Variants in FAM149A observed in about 807,000 individuals in gnomAD.
The protein encoded by FAM149A is family with sequence similarity 149 member A.
Under a neutral mutation model 78.2 loss-of-function variants are expected in FAM149A, and 71 were observed. The ratio of observed to expected loss-of-function variants is 0.91; its 90% CI spans 0.75 to 1.11. The LOEUF is 1.11. Ranked by LOEUF, FAM149A falls within the 50% of genes least tolerant of loss-of-function variation. The pLI, the probability that FAM149A is intolerant of heterozygous loss-of-function variation, is 0.00. For synonymous variants in FAM149A, 446 were observed against 410.5 expected, an observed-to-expected ratio of 1.09 and a Z score of -1.04; for missense variants, 1,036 against 971.0, an observed-to-expected ratio of 1.07 and a Z score of -0.89.
In FAM149A at chr4:186,158,409, G is replaced by A. The variant is rs55723349; in HGVS notation, c.1575+690G>A. On this transcript the variant is annotated intron_variant, in intron 8 of 13. Transcript: ENST00000389354. ...ACTCAGTGGGCCTGAAGGGGTGGCT[G>A]CTGGCTCAGGGAGTTCTGGGCATGC... The A allele has an allele frequency of 6.8e-4, 801 of 1,183,142 alleles. 1 individual carries two copies. The highest frequency in any genetic ancestry group is 8.2e-4 in the Non-Finnish European group (775 of 941,734). The allele number at this position is 1,183,142 out of a possible 1,614,324, so 73.3% of individuals were successfully genotyped here.
rs762278887 is a variant in FAM149A, at chr4:186,153,651, A to C, written c.939A>C (p.Leu313Phe). Residue 313 changes from leucine to phenylalanine, a missense_variant, in exon 5 of 14, where the codon TTA becomes TTC. This residue lies in a region of FAM149A where 716 missense variants were observed against 711.8 expected (regional missense o/e 1.01). Coordinates refer to ENST00000389354, the MANE Select transcript of FAM149A (RefSeq NM_001367768.3). ...CTTCTCTTTGACCTCGCAGAGTATT[A>C]GGAAGACAGCTGATCCTGCCCACTG... 27 of 1,613,986 alleles carry C rather than the reference A, an allele frequency of 1.7e-5. No individual in the cohort carries two copies. The South Asian group carries it at 3.0e-4, about 18-fold the overall frequency.
At chr4:186,148,505 G>A (rs1733227377) in intron 1 of FAM149A, among the ~76,000 whole-genome samples, 1 of 152,180 alleles carries the variant, frequency 6.6e-6, no homozygotes, top group South Asian at 2.1e-4. Flanking sequence ...GGAAGTAAAT[G>A]TTTTAAGCGG....
chr4:186,158,657 G>T, intron 8 of FAM149A: 2 of 488,960 alleles, frequency 4.1e-6, no homozygotes, highest in South Asian at 7.6e-5. Context: ...GTTGAGGGTG[G>T]AGACCCAGCC....
At chr4:186,151,665 C>T (rs920216433) in intron 3 of FAM149A, 6 of 934,264 alleles carry the variant, frequency 6.4e-6, no homozygotes, top group African/African-American at 3.6e-5. Flanking sequence ...TCATAACTTC[C>T]GTGGCAGAAG....
At chr4:186,124,015 TCACA>T (rs972926891) in intron 1 of FAM149A, 2 of 985,306 alleles carry the variant, frequency 2.0e-6, no homozygotes, top group African/African-American at 3.5e-5. Context: ...GGCTACACAC[TCACA>T]CAGACAATGA....
At chr4:186,151,006 CTT>C (rs1733534873) in intron 3 of FAM149A, 2 of 985,118 alleles carry the variant, frequency 2.0e-6, no homozygotes, top group Non-Finnish European at 2.4e-6. Flanking sequence ...CGCCCAGCCT[CTT>C]TGCTTTCTTT....
chr4:186,153,639 T>A lies in FAM149A; in HGVS notation c.933-6T>A. 1 of 1,610,232 alleles carries A rather than the reference T, an allele frequency of 6.2e-7. No homozygotes were observed. The highest frequency in any genetic ancestry group is 8.5e-7 in the Non-Finnish European group (1 of 1,176,984). On this transcript the variant is annotated splice_region_variant and splice_polypyrimidine_tract_variant and intron_variant, in intron 4 of 13. Transcript: ENST00000389354. ...AAATGTCAGTAGCTTCTCTTTGACC[T>A]CGCAGAGTATTAGGAAGACAGCTGA...
At chr4:186,169,062 G>A (rs981861617) in intron 13 of FAM149A, 2 of 319,410 alleles carry the variant, frequency 6.3e-6, no homozygotes, top group Non-Finnish European at 9.0e-6. Flanking sequence ...ACTACAGCAC[G>A]CCGAGTGGAG....
rs767437561 is a variant in FAM149A at position 186,165,415 on chromosome 4, C to G, written c.1961C>G (p.Thr654Arg). The G allele has an allele frequency of 6.2e-7, 1 of 1,614,136 alleles. No homozygotes were observed. Among genetic ancestry groups the G allele is most frequent in the Non-Finnish European group, 8.5e-7 (1 of 1,179,968 alleles). ...CGGAGCAGGTTCCCCCCGCTAGTCACGGAGACCAGGGGGCAGAATACAGCA... is the reference window on the plus strand; with the variant it reads ...CGGAGCAGGTTCCCCCCGCTAGTCAGGGAGACCAGGGGGCAGAATACAGCA... The change falls in exon 11 of 14, where the codon ACG becomes AGG. Residue 654 changes from threonine (T) to arginine (R), a missense_variant. This residue lies in a region of FAM149A where 716 missense variants were observed against 711.8 expected (regional missense o/e 1.01). Coordinates refer to ENST00000389354, the MANE Select transcript of FAM149A (RefSeq NM_001367768.3).
In FAM149A at chr4:186,105,392, G is replaced by A; in HGVS notation, c.316G>A (p.Ala106Thr). 1 of 1,182,226 alleles carries A rather than the reference G, an allele frequency of 8.5e-7. No homozygotes were observed. Among genetic ancestry groups the A allele is most frequent in the Non-Finnish European group, 1.1e-6 (1 of 944,350 alleles). The allele number at this position is 1,182,226 out of a possible 1,614,324, so 73.2% of individuals were successfully genotyped here. A position where few individuals can be genotyped will look rare whatever the true frequency, so the allele number is the denominator to read the frequency against. ...GCCCAGTAGCCCTAGAGCGGGTAAA[G>A]CCCCGCCCCAGCCCCCCACTCCCTC... is the stretch of plus-strand genomic sequence containing the variant. The change falls in exon 1 of 14, where the codon GCC (alanine) becomes ACC (threonine). Residue 106 changes from alanine to threonine, a missense_variant. By Grantham distance (58) the Ala-to-Thr change is moderately conservative (BLOSUM62 0). Coordinates refer to ENST00000389354, the MANE Select transcript of FAM149A (RefSeq NM_001367768.3).
intron 8 of FAM149A, chr4:186,158,308 C>A (rs1579908605): frequency 8.2e-7 from 1 of 1,215,146 alleles, no homozygotes; most frequent in Non-Finnish European, 1.0e-6. Context: ...GGCTAGCCCA[C>A]CTCCCATTGC....
At chr4:186,130,160 C>G (rs1191477298) in intron 1 of FAM149A, 1 of 151,652 alleles carries the variant, frequency 6.6e-6, no homozygotes, top group Non-Finnish European at 1.5e-5. Context: ...ATAGGAAATA[C>G]AGAACACAGA....
intron 1 of FAM149A, chr4:186,133,116 GAGT>G (rs2099321453): frequency 6.1e-6 from 6 of 985,392 alleles, no homozygotes; most frequent in Non-Finnish European, 6.0e-6. Context: ...GGTTAGACAG[GAGT>G]CATGTATTGT....
intron 13 of FAM149A, among the ~76,000 whole-genome samples, chr4:186,170,341 A>T (rs1183217412): frequency 1.3e-5 from 2 of 152,148 alleles, no homozygotes; most frequent in African/African-American, 4.8e-5. Context: ...ATAACACCTC[A>T]CTTAAGGACT....
At chr4:186,109,393 C>G in intron 1 of FAM149A, 4 of 815,152 alleles carry the variant, frequency 4.9e-6, no homozygotes, top group Non-Finnish European at 5.9e-6. Context: ...AAGGGCCTGT[C>G]AGCATGGCTG....
chr4:186,131,049 C>T (rs1436108207), intron 1 of FAM149A, among the ~76,000 whole-genome samples: 1 of 151,992 alleles, frequency 6.6e-6, no homozygotes, highest in Non-Finnish European at 1.5e-5. Context: ...GGGTTAGTGT[C>T]CTTATAAGAA....
chr4:186,169,414 G>A, intron 13 of FAM149A: 2 of 985,398 alleles, frequency 2.0e-6, no homozygotes, highest in Non-Finnish European at 2.4e-6. Context: ...CCAGGCCCCA[G>A]GTGAGGCACA....
chr4:186,157,622 T>C lies in FAM149A; in HGVS notation c.1478T>C (p.Leu493Pro), dbSNP rs1472709131. 1 of 1,614,182 alleles carries C rather than the reference T, an allele frequency of 6.2e-7. No individual in the cohort carries two copies. The highest frequency in any genetic ancestry group is 8.5e-7 in the Non-Finnish European group (1 of 1,179,998). The change falls in exon 8 of 14, where the codon CTC becomes CCC. Residue 493 changes from leucine to proline, a missense_variant. This residue lies in a region of FAM149A where 716 missense variants were observed against 711.8 expected (regional missense o/e 1.01). Coordinates refer to ENST00000389354, the MANE Select transcript of FAM149A (RefSeq NM_001367768.3). ...GCTGGAAACAGATTTCCGCACGTCCTCGTTCCACACGCTCACGCCGATGGA... is the reference window on the plus strand; with the variant it reads ...GCTGGAAACAGATTTCCGCACGTCCCCGTTCCACACGCTCACGCCGATGGA...
intron 1 of FAM149A, among the ~76,000 whole-genome samples, chr4:186,106,167 A>G (rs1312837461): frequency 6.6e-6 from 1 of 152,038 alleles, no homozygotes; most frequent in Non-Finnish European, 1.5e-5. Context: ...ATCTGACACA[A>G]ATGGAGTTGT....
Sources: allele counts gnomAD v4.1 joint callset (sites outside exome capture counted in the v4.1 genomes callset), GRCh38; gene constraint gnomAD v4.1.1; regional missense constraint gnomAD v4.1.1; transcripts MANE v1.5; gene names NCBI Gene and HGNC (gene_info 2026-07-23, HGNC 2026-07-21).